TENM2: variants seen among roughly 807,000 people sequenced by gnomAD.
TENM2 encodes the protein teneurin transmembrane protein 2.
Under a neutral mutation model 245.2 loss-of-function variants are expected in TENM2, and 52 were observed. That is an observed-to-expected ratio of 0.21 (90% CI 0.17 to 0.27). The LOEUF is 0.27. Among genes scored for constraint, TENM2 ranks in the 10% least tolerant of loss-of-function variants. The pLI, the probability that TENM2 is intolerant of heterozygous loss-of-function variation, is 1.00. For missense variants in TENM2, 3,046 were observed against 3,666.8 expected, an observed-to-expected ratio of 0.83 and a Z score of 4.37; for synonymous variants, 1,363 against 1,438.9, an observed-to-expected ratio of 0.95 and a Z score of 1.19.
At chr5:167,828,657 G>A (rs939767798) in intron 2 of TENM2, among the ~76,000 whole-genome samples, 1 of 151,888 alleles carries the variant, frequency 6.6e-6, no homozygotes, top group Non-Finnish European at 1.5e-5. Context: ...ACAGATAGAC[G>A]AAAAAATATA....
At chr5:167,697,182 C>A (rs981564182) in intron 2 of TENM2, among the ~76,000 whole-genome samples, 1 of 152,154 alleles carries the variant, frequency 6.6e-6, no homozygotes, top group Admixed American at 6.5e-5. Context: ...AGGGTAAAAC[C>A]CCTGTCTGCC....
chr5:167,976,458 C>A (rs186692381), intron 4 of TENM2, among the ~76,000 whole-genome samples: 168 of 152,190 alleles, frequency 1.1e-3, no homozygotes, highest in Non-Finnish European at 1.2e-3. Flanking sequence ...AATGTTTACT[C>A]CATTTCCCAA....
intron 23 of TENM2, among the ~76,000 whole-genome samples, chr5:168,219,459 T>C (rs903022549): frequency 2.0e-5 from 3 of 152,170 alleles, no homozygotes; most frequent in African/African-American, 7.2e-5. Context: ...AGCAGATCGA[T>C]ACAGATAAAG....
At chr5:167,478,922 T>G (rs935904005) in intron 2 of TENM2, among the ~76,000 whole-genome samples, 8 of 152,120 alleles carry the variant, frequency 5.3e-5, no homozygotes, top group Non-Finnish European at 1.0e-4. Flanking sequence ...TCACTTTATA[T>G]GTATTATTTT....
At chr5:167,377,526 A>G (rs1760834314) in intron 2 of TENM2, among the ~76,000 whole-genome samples, 1 of 152,162 alleles carries the variant, frequency 6.6e-6, no homozygotes, top group Admixed American at 6.5e-5. Flanking sequence ...CATTTTTTCA[A>G]TATTTTACAT....
At chr5:167,888,398 T>C (rs1379387882) in intron 3 of TENM2, among the ~76,000 whole-genome samples, 1 of 152,068 alleles carries the variant, frequency 6.6e-6, no homozygotes, top group Non-Finnish European at 1.5e-5. Flanking sequence ...AAATATTAGG[T>C]GAATTAACAA....
chr5:168,191,087 C>T (rs1262475512), intron 14 of TENM2, among the ~76,000 whole-genome samples: 1 of 152,180 alleles, frequency 6.6e-6, no homozygotes, highest in Non-Finnish European at 1.5e-5. Context: ...CATCTATTGC[C>T]TCTCCTGATT....
At position 167,296,281 on chromosome 5, in the gene TENM2, C is replaced by A. The variant is rs563868437; in HGVS notation, c.226+11218C>A. ...ATTGCGGTCCCAGTGGGATACATTT[C>A]AGTTTAAAAATAGTCTGAAGCACTT... On this transcript the variant is annotated intron_variant, in intron 1 of 28. Coordinates refer to ENST00000518659, the Ensembl canonical transcript of TENM2. 2.6e-5 allele frequency: 4 copies of A among 152,286 alleles called. 1 individual carries two copies. In the South Asian group the frequency reaches 8.3e-4, roughly 32 times the overall value. 9.4% of individuals were successfully genotyped at this position (152,286 alleles called of 1,614,324 possible).
intron 2 of TENM2, among the ~76,000 whole-genome samples, chr5:167,686,760 T>C: frequency 6.6e-6 from 1 of 152,180 alleles, no homozygotes; most frequent in East Asian, 1.9e-4. Context: ...CCATTAGAGA[T>C]GACTTAGATG....
intron 2 of TENM2, among the ~76,000 whole-genome samples, chr5:167,872,340 AAGAAAG>A (rs1772931710): frequency 9.6e-6 from 1 of 103,848 alleles, no homozygotes; most frequent in Non-Finnish European, 2.3e-5. Context: ...GAAAGAAAGA[AAGAAAG>A]AAAGAAAGGA....
the TENM2 span, among the ~76,000 whole-genome samples, chr5:167,146,313 C>T: frequency 6.6e-6 from 1 of 152,118 alleles, no homozygotes; most frequent in African/African-American, 2.4e-5. Flanking sequence ...CACATTGCCC[C>T]GGGTGATCGC....
intron 2 of TENM2, among the ~76,000 whole-genome samples, chr5:167,511,873 C>A (rs1769978788): frequency 6.6e-6 from 1 of 152,100 alleles, no homozygotes; most frequent in Non-Finnish European, 1.5e-5. Flanking sequence ...ACAAGGAATA[C>A]CTTTATTTCC....
At position 167,411,822 on chromosome 5, in the gene TENM2, C is replaced by A. The variant is rs564710583; in HGVS notation, c.502+36349C>A. ...ATGTATCGAATGCACCTGAAACAAT[C>A]ACGAGTTAACTTTTCCATCTTTCAA... On this transcript the variant is annotated intron_variant, in intron 2 of 28. Coordinates refer to ENST00000518659, the Ensembl canonical transcript of TENM2. Among the ~76,000 whole-genome samples the A allele has an allele frequency of 3.9e-5, 6 of 152,144 alleles. No individual in the cohort carries two copies. The East Asian group carries it at 1.2e-3, about 29-fold the overall frequency.
chr5:168,106,792 G>C (rs143475046), intron 9 of TENM2, among the ~76,000 whole-genome samples: 152 of 152,318 alleles, frequency 1.0e-3, no homozygotes, highest in African/African-American at 3.3e-3. Context: ...CAGGTGCAGT[G>C]GCTCACGCCT....
chr5:168,197,766 C>T (rs1450948404), intron 15 of TENM2, among the ~76,000 whole-genome samples: 1 of 151,762 alleles, frequency 6.6e-6, no homozygotes, highest in Non-Finnish European at 1.5e-5. Flanking sequence ...ATTAGGACAC[C>T]TCTCTGTTAA....
intron 2 of TENM2, among the ~76,000 whole-genome samples, chr5:167,588,117 G>T (rs1775627505): frequency 6.6e-6 from 1 of 152,180 alleles, no homozygotes; most frequent in African/African-American, 2.4e-5. Flanking sequence ...CCTTCTCAGA[G>T]AATTAAGTTT....
intron 2 of TENM2, among the ~76,000 whole-genome samples, chr5:167,768,508 A>T (rs1477762862): frequency 1.3e-5 from 2 of 152,194 alleles, no homozygotes; most frequent in Non-Finnish European, 2.9e-5. Context: ...GAGCCTCCAA[A>T]GCCCTTAGAA....
chr5:167,055,024 A>G, the TENM2 span, among the ~76,000 whole-genome samples: 1 of 151,942 alleles, frequency 6.6e-6, no homozygotes, highest in Non-Finnish European at 1.5e-5. Flanking sequence ...CAGAATTTTT[A>G]ATTTTAATGG....
At chr5:167,259,722 C>T in the TENM2 span, among the ~76,000 whole-genome samples, 3 of 152,024 alleles carry the variant, frequency 2.0e-5, no homozygotes, top group African/African-American at 7.2e-5. Flanking sequence ...ATCTTCTCCT[C>T]TGATTTTTTT....
Sources: allele counts gnomAD v4.1 joint callset (sites outside exome capture counted in the v4.1 genomes callset), GRCh38; gene constraint gnomAD v4.1.1; transcripts MANE v1.5; gene names NCBI Gene and HGNC (gene_info 2026-07-23, HGNC 2026-07-21).